Variants in NLRC3 observed in about 807,000 individuals in gnomAD.
The protein encoded by NLRC3 is NLR family CARD domain-containing protein 3.
NLRC3 carries 87 observed loss-of-function variants against 91.6 expected under a neutral mutation model. The ratio of observed to expected loss-of-function variants is 0.95; its 90% CI spans 0.80 to 1.14. The LOEUF is 1.14. Ranked by LOEUF, NLRC3 falls within the 50% of genes most tolerant of loss-of-function variation. The probability of loss-of-function intolerance (pLI) is 0.00; values close to 1 mark genes in which losing one functional copy is unlikely to be tolerated. For missense variants in NLRC3, 1,577 were observed against 1,418.6 expected (o/e 1.11, Z -1.79); for synonymous variants, 694 against 625.3 (o/e 1.11, Z -1.64).
intron 15 of NLRC3, chr16:3,544,560 G>T (rs1262516686): frequency 1.9e-6 from 1 of 536,696 alleles, no homozygotes; most frequent in Non-Finnish European, 3.4e-6. Flanking sequence ...AGGCAAGCAG[G>T]AAATGGGACA....
At position 3,577,366 on chromosome 16, in the gene NLRC3, G is replaced by C; in HGVS notation, c.-386C>G. Reference sequence around the variant, plus strand: ...GAGAGCAGTGCAGCCCCGACCTTCTGCAGCCCCACCGAGCCCACCGGCTGT... The same window carrying C: ...GAGAGCAGTGCAGCCCCGACCTTCTCCAGCCCCACCGAGCCCACCGGCTGT... On this transcript the variant is annotated 5_prime_UTR_variant, in exon 1 of 20. Transcript: ENST00000359128. 1 of 581,776 alleles carries C rather than the reference G, an allele frequency of 1.7e-6. No homozygotes were observed. Among genetic ancestry groups the C allele is most frequent in the Non-Finnish European group, 3.1e-6 (1 of 326,916 alleles). The allele number at this position is 581,776 out of a possible 1,614,324, so 36.0% of individuals were successfully genotyped here. A position where few individuals can be genotyped will look rare whatever the true frequency, so the allele number is the denominator to read the frequency against.
intron 6 of NLRC3, among the ~76,000 whole-genome samples, chr16:3,560,290 G>A (rs1050661995): frequency 1.3e-5 from 2 of 152,088 alleles, no homozygotes; most frequent in Non-Finnish European, 2.9e-5. Context: ...GGGTGTGGTG[G>A]CATGCGCCTG....
chr16:3,554,815 A>G (rs570279293), intron 8 of NLRC3, among the ~76,000 whole-genome samples: 147 of 152,330 alleles, frequency 9.7e-4, no homozygotes, highest in African/African-American at 3.3e-3. Context: ...GTATTCACCA[A>G]TGTTCACAGC....
chr16:3,552,122 C>T lies in NLRC3; in HGVS notation c.2351+74G>A, dbSNP rs1205972117. 23 of 917,542 alleles carry T rather than the reference C, an allele frequency of 2.5e-5. No homozygotes were observed. In the Middle Eastern group the frequency reaches 6.5e-4, roughly 26 times the overall value. The allele number at this position is 917,542 out of a possible 1,614,324, so 56.8% of individuals were successfully genotyped here. Reference sequence around the variant, plus strand: ...CAATCCATCCATCCATCCTCAGGCTCACAAATATTTGTGCTGGGTTGGGCA... The same window carrying T: ...CAATCCATCCATCCATCCTCAGGCTTACAAATATTTGTGCTGGGTTGGGCA... On this transcript the variant is annotated intron_variant, in intron 10 of 19. Transcript: ENST00000359128.
At chr16:3,576,952 G>A (rs577754628) in intron 1 of NLRC3, among the ~76,000 whole-genome samples, 197 bp downstream of exon 1, 1 of 152,324 alleles carries the variant, frequency 6.6e-6, no homozygotes, top group East Asian at 1.9e-4. Flanking sequence ...TTACAGGCGT[G>A]AGCCACCGTG....
chr16:3,547,209 C>G (rs2038735914), intron 15 of NLRC3, among the ~76,000 whole-genome samples: 1 of 152,162 alleles, frequency 6.6e-6, no homozygotes, highest in South Asian at 2.1e-4. Context: ...TATCATTCAG[C>G]CTTACAAAGG....
At chr16:3,545,053 G>C (rs1051388413) in intron 15 of NLRC3, 7 of 152,386 alleles carry the variant, frequency 4.6e-5, no homozygotes, top group African/African-American at 1.7e-4. Flanking sequence ...TAAGTTGGAG[G>C]GAACTAGCAG....
intron 1 of NLRC3, 98 bp from the exon 2 acceptor site, chr16:3,567,422 T>C (rs1028336522): frequency 6.6e-6 from 1 of 152,192 alleles, no homozygotes; most frequent in Admixed American, 6.5e-5. Context: ...TGTCACTGCA[T>C]AGAGAAGCAG....
chr16:3,576,546 C>A lies in NLRC3; in HGVS notation c.-169+603G>T, dbSNP rs115767969. Among the ~76,000 whole-genome samples the A allele has an allele frequency of 6.0e-3, 911 of 152,370 alleles. 11 individuals carry two copies. Among genetic ancestry groups the A allele is most frequent in the African/African-American group, 0.02 (835 of 41,586 alleles). ...GCATCACCACTGCCTGCCCGCAGCA[C>A]CTTCAAGATGCTTCCTGCTTCTCCT... On this transcript the variant is annotated intron_variant, in intron 1 of 19. Coordinates refer to ENST00000359128, the MANE Select transcript of NLRC3 (RefSeq NM_178844.4).
intron 6 of NLRC3, among the ~76,000 whole-genome samples, chr16:3,560,113 G>A (rs2039538039): frequency 6.6e-6 from 1 of 152,072 alleles, no homozygotes; most frequent in Admixed American, 6.6e-5. Flanking sequence ...CCAGAGGCTT[G>A]TATGAGAATG....
Position 3,563,092 on chromosome 16 carries a change from G to C in NLRC3, c.1845C>G (p.Ala615=), listed in dbSNP as rs781433764. ...GGCTCAGGGACAGGTTGGCCTCCTG[G>C]GCACAGGCGTCGGACACCTGCAGGA... ...AYLLQVSDAC[A]QEANLSLSLS... The change falls in exon 5 of 20, where the codon GCC becomes GCG. Residue 615 remains alanine (A), a synonymous_variant. Transcript: ENST00000359128. 3.2e-6 allele frequency: 5 copies of C among 1,573,796 alleles called. No individual in the cohort carries two copies. The highest frequency in any genetic ancestry group is 4.3e-6 in the Non-Finnish European group (5 of 1,160,396).
Position 3,543,416 on chromosome 16 carries a change from A to C in NLRC3, c.2939+9T>G, listed in dbSNP as rs1218711703. 1.3e-6 allele frequency: 2 copies of C among 1,593,062 alleles called. No homozygotes were observed. Among genetic ancestry groups the C allele is most frequent in the African/African-American group, 2.7e-5 (2 of 74,528 alleles). On this transcript the variant is annotated intron_variant, in intron 17 of 19. Coordinates refer to ENST00000359128, the MANE Select transcript of NLRC3 (RefSeq NM_178844.4). ...GCTAAAGACCATAGATGGAGACTGG[A>C]ATACTTACTCGAGAATCTCCAAGGT...
chr16:3,575,363 T>TCGCGAGGC (rs763398773), intron 1 of NLRC3, among the ~76,000 whole-genome samples: 2 of 152,096 alleles, frequency 1.3e-5, no homozygotes, highest in Admixed American at 6.5e-5. Context: ...CCGAGTGAGG[T>TCGCGAGGC]CGCGAGGCCG....
intron 10 of NLRC3, among the ~76,000 whole-genome samples, chr16:3,551,557 A>G (rs1596453261): frequency 6.6e-6 from 1 of 150,544 alleles, no homozygotes; most frequent in East Asian, 2.0e-4. Flanking sequence ...CCATCCACCC[A>G]TCCACCAATC....
Position 3,542,177 on chromosome 16 carries a change from G to T in NLRC3, c.3107+14C>A. On this transcript the variant is annotated intron_variant, in intron 19 of 19. Transcript: ENST00000359128. The stretch of plus-strand genomic sequence containing the variant: ...GCAGTTCTAAGGGTGAGCAGGAAGG[G>T]CAGGTGCACTCACTTGATATGCTGG... The T allele has an allele frequency of 6.5e-7, 1 of 1,544,058 alleles. No homozygotes were observed. The highest frequency in any genetic ancestry group is 8.8e-7 in the Non-Finnish European group (1 of 1,133,248).
At chr16:3,549,055 G>A (rs1408252687) in intron 13 of NLRC3, 87 bp downstream of exon 13, 24 of 1,023,226 alleles carry the variant, frequency 2.3e-5, no homozygotes, top group African/African-American at 4.8e-5. Context: ...ACCCTGTGAC[G>A]TGGCGAGGGT....
chr16:3,569,397 A>ATTATTTTTTTTTTT (rs2040014294), intron 1 of NLRC3, among the ~76,000 whole-genome samples: 1 of 41,046 alleles, frequency 2.4e-5, no homozygotes, highest in African/African-American at 1.2e-4. Context: ...TATATATATT[A>ATTATTTTTTTTTTT]TTTTTTTTTT....
At chr16:3,561,617 G>A in intron 6 of NLRC3, 85 bp downstream of exon 6, 1 of 931,124 alleles carries the variant, frequency 1.1e-6, no homozygotes, top group Non-Finnish European at 1.7e-6. Flanking sequence ...AGCGCCGCTG[G>A]CCAGCTGAGC....
At chr16:3,544,575 G>T in intron 15 of NLRC3, 1 of 477,900 alleles carries the variant, frequency 2.1e-6, no homozygotes, top group East Asian at 3.4e-5. Context: ...GGGACATATA[G>T]AGTGACTGTC....
Sources: allele counts gnomAD v4.1 joint callset (sites outside exome capture counted in the v4.1 genomes callset), GRCh38; gene constraint gnomAD v4.1.1; transcripts MANE v1.5; gene names NCBI Gene and HGNC (gene_info 2026-07-23, HGNC 2026-07-21).